The following CNTNAP2 variants were observed in gnomAD, a reference collection of about 807,000 sequenced individuals.
CNTNAP2 encodes contactin-associated protein-like 2.
A neutral mutation model predicts 155.2 loss-of-function variants in CNTNAP2; 98 were observed. That is an observed-to-expected ratio of 0.63 (90% CI 0.54 to 0.75). CNTNAP2 has a LOEUF of 0.75. Ranked by LOEUF, CNTNAP2 falls within the 30% of genes least tolerant of loss-of-function variation. The probability of loss-of-function intolerance (pLI) is 0.00; values close to 1 mark genes in which losing one functional copy is unlikely to be tolerated. For synonymous variants in CNTNAP2, 651 were observed against 631.2 expected (o/e 1.03, Z -0.47); for missense variants, 1,727 against 1,688.1 (o/e 1.02, Z -0.40).
chr7:147,865,418 G>T (rs1288832107), intron 13 of CNTNAP2, among the ~76,000 whole-genome samples: 2 of 152,266 alleles, frequency 1.3e-5, no homozygotes, highest in South Asian at 2.1e-4. Context: ...CCAGCCTTCG[G>T]TATCAGGATC....
chr7:148,290,004 T>C (rs1797160766), intron 21 of CNTNAP2, among the ~76,000 whole-genome samples: 1 of 152,174 alleles, frequency 6.6e-6, no homozygotes, highest in African/African-American at 2.4e-5. Flanking sequence ...TTAATGAAAA[T>C]TGTAGCACAT....
chr7:148,134,954 T>C (rs1425374745), intron 16 of CNTNAP2, among the ~76,000 whole-genome samples: 2 of 152,156 alleles, frequency 1.3e-5, no homozygotes, highest in Admixed American at 6.5e-5. Flanking sequence ...AATGAGATCA[T>C]AGGGTACATA....
intron 9 of CNTNAP2, among the ~76,000 whole-genome samples, chr7:147,313,618 C>G (rs1360384968): frequency 1.3e-5 from 2 of 151,298 alleles, no homozygotes; most frequent in Non-Finnish European, 2.9e-5. Context: ...TTCCATTGAT[C>G]TATATCTCTG....
intron 2 of CNTNAP2, among the ~76,000 whole-genome samples, chr7:146,788,502 C>A (rs1280145218): frequency 6.6e-6 from 1 of 152,160 alleles, no homozygotes; most frequent in Admixed American, 6.5e-5. Context: ...GAAATGATGA[C>A]TTCTTTACTG....
chr7:147,751,330 G>A (rs1201240062), intron 13 of CNTNAP2, among the ~76,000 whole-genome samples: 2 of 149,192 alleles, frequency 1.3e-5, no homozygotes, highest in Admixed American at 1.3e-4. Flanking sequence ...CTTGGACTAA[G>A]TATTTATTCA....
At chr7:146,822,770 A>T (rs867802695) in intron 2 of CNTNAP2, among the ~76,000 whole-genome samples, 19 of 147,762 alleles carry the variant, frequency 1.3e-4, no homozygotes, top group Admixed American at 2.1e-4. Flanking sequence ...AATATTTATA[A>T]ATATACTCAT....
At chr7:147,148,118 C>T (rs897703621) in intron 8 of CNTNAP2, among the ~76,000 whole-genome samples, 3 of 151,798 alleles carry the variant, frequency 2.0e-5, no homozygotes, top group Admixed American at 6.6e-5. Context: ...GGGCCGGGCG[C>T]GGTGGCTCAC....
chr7:148,314,579 G>A (rs1797653862), intron 21 of CNTNAP2, among the ~76,000 whole-genome samples: 1 of 152,136 alleles, frequency 6.6e-6, no homozygotes, highest in Admixed American at 6.5e-5. Context: ...AGCAAGTAGA[G>A]ACATGGAGAG....
chr7:146,445,104 TACCAGAGTC>T (rs1796383855), intron 1 of CNTNAP2, among the ~76,000 whole-genome samples: 1 of 118,486 alleles, frequency 8.4e-6, no homozygotes, highest in Non-Finnish European at 1.6e-5. Flanking sequence ...TCAGATTTTA[TACCAGAGTC>T]ACCAAAATTT....
chr7:146,743,259 C>T (rs1052025538), intron 1 of CNTNAP2, among the ~76,000 whole-genome samples: 7 of 152,096 alleles, frequency 4.6e-5, no homozygotes, highest in Non-Finnish European at 1.0e-4. Flanking sequence ...ATAGGAGGTA[C>T]AAACAGGTAT....
At chr7:147,567,428 A>G (rs1171967210) in intron 12 of CNTNAP2, among the ~76,000 whole-genome samples, 1 of 152,220 alleles carries the variant, frequency 6.6e-6, no homozygotes, top group African/African-American at 2.4e-5. Context: ...TATTAAAAAC[A>G]TCACTTTGAC....
chr7:146,782,082 C>T (rs969011334), intron 2 of CNTNAP2: 6 of 152,162 alleles, frequency 3.9e-5, no homozygotes, highest in Non-Finnish European at 7.3e-5. Context: ...ATGAAGTAGA[C>T]TCAAGTTCCC....
At chr7:147,772,283 G>C (rs1026309737) in intron 13 of CNTNAP2, among the ~76,000 whole-genome samples, 11 of 150,860 alleles carry the variant, frequency 7.3e-5, no homozygotes, top group African/African-American at 2.2e-4. Context: ...AACCAGCCTG[G>C]CATGGCGCCT....
chr7:146,430,375 A>C (rs1796157698), intron 1 of CNTNAP2, among the ~76,000 whole-genome samples: 2 of 152,080 alleles, frequency 1.3e-5, no homozygotes, highest in South Asian at 4.1e-4. Context: ...ATCTTACAGC[A>C]GTAAAAATAT....
intron 10 of CNTNAP2, among the ~76,000 whole-genome samples, chr7:147,480,789 C>T (rs893387306): frequency 2.0e-5 from 3 of 152,170 alleles, no homozygotes; most frequent in Non-Finnish European, 4.4e-5. Flanking sequence ...CAGAGAAGTG[C>T]GATGCGCTAG....
intron 22 of CNTNAP2, among the ~76,000 whole-genome samples, chr7:148,395,948 T>C (rs143703838): frequency 0.01 from 1,535 of 152,238 alleles, 30 homozygotes; most frequent in African/African-American, 0.035. Context: ...TCCCCTACGA[T>C]AGATTTTGAA....
chr7:147,024,316 T>A (rs1798863148), intron 3 of CNTNAP2, among the ~76,000 whole-genome samples: 1 of 152,198 alleles, frequency 6.6e-6, no homozygotes, highest in Non-Finnish European at 1.5e-5. Flanking sequence ...TGGTAAAACC[T>A]GTTTATAACA....
At chr7:146,229,367 T>G (rs2116910499) in intron 1 of CNTNAP2, among the ~76,000 whole-genome samples, 1 of 152,274 alleles carries the variant, frequency 6.6e-6, no homozygotes, top group East Asian at 1.9e-4. Flanking sequence ...TTAAAATAGA[T>G]AAACTACTGT....
chr7:146,766,253 A>G (rs554346470), intron 1 of CNTNAP2, among the ~76,000 whole-genome samples: 1 of 152,328 alleles, frequency 6.6e-6, no homozygotes, highest in East Asian at 1.9e-4. Context: ...AGGCATATCC[A>G]TTAAATTGCT....
Sources: allele counts gnomAD v4.1 joint callset (sites outside exome capture counted in the v4.1 genomes callset), GRCh38; gene constraint gnomAD v4.1.1; transcripts MANE v1.5; gene names NCBI Gene and HGNC (gene_info 2026-07-23, HGNC 2026-07-21).